The following TAFA1 variants were observed in gnomAD, a reference collection of about 807,000 sequenced individuals.
TAFA1 encodes the protein TAFA chemokine like family member 1, also known as chemokine-like protein TAFA-1.
Under a neutral mutation model 18.5 loss-of-function variants are expected in TAFA1, and 4 were observed. That is an observed-to-expected ratio of 0.22 (90% confidence interval 0.11 to 0.49). The LOEUF (loss-of-function observed/expected upper bound fraction) is 0.49. TAFA1 is among the 20% of genes least tolerant of loss of function. The probability of loss-of-function intolerance (pLI) is 0.98; values close to 1 mark genes in which losing one functional copy is unlikely to be tolerated. For synonymous variants in TAFA1, 56 were observed against 55.2 expected (o/e 1.01, Z -0.06); for missense variants, 147 against 169.0 (o/e 0.87, Z 0.72).
At chr3:68,217,910 T>G (rs1471242418) in intron 2 of TAFA1, among the ~76,000 whole-genome samples, 5 of 152,054 alleles carry the variant, frequency 3.3e-5, no homozygotes, top group Non-Finnish European at 5.9e-5. Flanking sequence ...ATTATTATAA[T>G]TGAAGGGTAT....
intron 2 of TAFA1, among the ~76,000 whole-genome samples, chr3:68,031,025 T>A (rs1704924168): frequency 1.3e-5 from 2 of 152,162 alleles, no homozygotes; most frequent in South Asian, 2.1e-4. Context: ...TTTGAGATGA[T>A]CAAGCTTCTA....
rs375190275 is a variant in TAFA1, at chr3:68,231,459, C to A, written c.119-185821C>A. On this transcript the variant is annotated intron_variant, in intron 2 of 4. Transcript: ENST00000478136. ...CACTGCAAGCTCCGCTTCCCGGGTT[C>A]ACGCCATTCTCCTGCCTCAGCCTCC... is the stretch of plus-strand genomic sequence containing the variant. Among the ~76,000 whole-genome samples, 145 of 141,796 alleles carry A rather than the reference C, an allele frequency of 1.0e-3. No homozygotes were observed. In the East Asian group the frequency reaches 0.024, roughly 24 times the overall value. 93.0% of individuals were successfully genotyped at this position (141,796 alleles called of 152,430 possible). A position where few individuals can be genotyped will look rare whatever the true frequency, so the allele number is the denominator to read the frequency against.
At chr3:68,223,478 G>A (rs2066757216) in intron 2 of TAFA1, among the ~76,000 whole-genome samples, 1 of 151,928 alleles carries the variant, frequency 6.6e-6, no homozygotes, top group Non-Finnish European at 1.5e-5. Flanking sequence ...ATATGTGTGT[G>A]TGTATATATG....
chr3:68,123,959 C>A (rs552421248), intron 2 of TAFA1, among the ~76,000 whole-genome samples: 31 of 135,208 alleles, frequency 2.3e-4, no homozygotes, highest in African/African-American at 8.7e-4. Flanking sequence ...CTATCACTGT[C>A]CTTCAGTAAT....
At position 68,198,676 on chromosome 3, in the gene TAFA1, T is replaced by C. The variant is rs560541602; in HGVS notation, c.118+191932T>C. 1.1e-4 allele frequency among the ~76,000 whole-genome samples: 17 copies of C among 151,734 alleles called. No homozygotes were observed. In the South Asian group the frequency reaches 3.5e-3, roughly 31 times the overall value. On this transcript the variant is annotated intron_variant, in intron 2 of 4. Coordinates refer to ENST00000478136, the MANE Select transcript of TAFA1 (RefSeq NM_213609.4). ...TTATTTATAATTTCTATGCCTTCTT[T>C]GGTGATATTTTGTTAAGGTCTTTGG... is the stretch of plus-strand genomic sequence containing the variant.
At chr3:68,315,066 T>C (rs72930445) in intron 2 of TAFA1, among the ~76,000 whole-genome samples, 3 of 152,036 alleles carry the variant, frequency 2.0e-5, no homozygotes, top group Admixed American at 6.6e-5. Context: ...TCATGGAATA[T>C]TCTCCTGTGG....
intron 2 of TAFA1, among the ~76,000 whole-genome samples, chr3:68,253,693 T>C (rs2067239930): frequency 6.6e-6 from 1 of 152,204 alleles, no homozygotes; most frequent in Non-Finnish European, 1.5e-5. Flanking sequence ...AGTACAATGA[T>C]TATTTTCTGA....
chr3:68,405,500 T>C (rs907697312), intron 2 of TAFA1, among the ~76,000 whole-genome samples: 13 of 148,556 alleles, frequency 8.8e-5, no homozygotes, highest in South Asian at 2.2e-4. Flanking sequence ...GAGTAATAAA[T>C]AGGGAGTACA....
At chr3:68,410,206 A>G (rs2070686475) in intron 2 of TAFA1, among the ~76,000 whole-genome samples, 1 of 152,164 alleles carries the variant, frequency 6.6e-6, no homozygotes, top group East Asian at 1.9e-4. Context: ...CAGGGCTCTA[A>G]CAAACCCAAG....
intron 2 of TAFA1, among the ~76,000 whole-genome samples, chr3:68,169,770 A>G (rs1354476811): frequency 1.3e-5 from 2 of 152,244 alleles, no homozygotes; most frequent in Non-Finnish European, 2.9e-5. Context: ...CAAGAATAGT[A>G]TATGGGTGAG....
intron 2 of TAFA1, among the ~76,000 whole-genome samples, chr3:68,403,796 C>G: frequency 6.6e-6 from 1 of 152,166 alleles, no homozygotes; most frequent in East Asian, 1.9e-4. Context: ...GCTGCCACAC[C>G]AGCAGGAAGA....
intron 3 of TAFA1, among the ~76,000 whole-genome samples, chr3:68,500,843 A>C (rs2072644863): frequency 6.6e-6 from 1 of 152,116 alleles, no homozygotes; most frequent in African/African-American, 2.4e-5. Flanking sequence ...ATGATTCTCC[A>C]AAGGAAATTG....
chr3:67,997,899 A>G, the TAFA1 span, among the ~76,000 whole-genome samples: 1 of 152,162 alleles, frequency 6.6e-6, no homozygotes, highest in Non-Finnish European at 1.5e-5. Flanking sequence ...ATATTTCAAG[A>G]AACAAAAGCA....
intron 2 of TAFA1, among the ~76,000 whole-genome samples, chr3:68,094,476 A>G (rs2065064641): frequency 6.6e-6 from 1 of 152,192 alleles, no homozygotes; most frequent in African/African-American, 2.4e-5. Flanking sequence ...TAAAAGAAAC[A>G]GACTTTCCTA....
At chr3:68,172,904 G>A (rs2066074685) in intron 2 of TAFA1, among the ~76,000 whole-genome samples, 1 of 149,524 alleles carries the variant, frequency 6.7e-6, no homozygotes, top group African/African-American at 2.4e-5. Context: ...AAATTGACAG[G>A]GGTTTCTCTT....
intron 3 of TAFA1, among the ~76,000 whole-genome samples, chr3:68,437,888 C>A (rs1368423091): frequency 6.6e-6 from 1 of 152,102 alleles, no homozygotes; most frequent in Admixed American, 6.6e-5. Flanking sequence ...TGTTCTAGCA[C>A]CAACTCAAAA....
chr3:68,119,205 C>A (rs188115657), intron 2 of TAFA1, among the ~76,000 whole-genome samples: 209 of 152,068 alleles, frequency 1.4e-3, no homozygotes, highest in Middle Eastern at 6.8e-3. Context: ...CAAGTCTTTG[C>A]CTAATCTTTA....
chr3:68,216,145 C>T (rs1409566660), intron 2 of TAFA1, among the ~76,000 whole-genome samples: 2 of 151,888 alleles, frequency 1.3e-5, no homozygotes, highest in African/African-American at 2.4e-5. Context: ...TAGTGGTTGC[C>T]AGAAGTTCAG....
At chr3:68,422,718 A>C (rs1267055681) in intron 3 of TAFA1, among the ~76,000 whole-genome samples, 1 of 152,130 alleles carries the variant, frequency 6.6e-6, no homozygotes, top group Non-Finnish European at 1.5e-5. Context: ...TGAAAACACC[A>C]AATTACACAC....
Sources: gnomAD v4.1 joint callset for allele counts (sites outside exome capture counted in the v4.1 genomes callset) on GRCh38, gnomAD v4.1.1 for gene constraint, MANE v1.5 for transcripts, NCBI Gene and HGNC (gene_info 2026-07-23, HGNC 2026-07-21) for gene names.